Variants in ABTB3 observed in about 807,000 individuals in gnomAD.
The protein encoded by ABTB3 is ankyrin repeat- and BTB/POZ domain-containing protein 3.
At chr12:107,593,494 G>A in the ABTB3 span, among the ~76,000 whole-genome samples, 1 of 152,140 alleles carries the variant, frequency 6.6e-6, no homozygotes, top group African/African-American at 2.4e-5. Flanking sequence ...TTCCTTGGAG[G>A]GTGGATGGCA....
At chr12:107,360,751 A>G in the ABTB3 span, among the ~76,000 whole-genome samples, 3 of 151,952 alleles carry the variant, frequency 2.0e-5, no homozygotes, top group African/African-American at 7.3e-5. Context: ...CACTGGGTAC[A>G]TGGCTTTTTG....
chr12:107,369,379 G>A, the ABTB3 span, among the ~76,000 whole-genome samples: 1 of 148,584 alleles, frequency 6.7e-6, no homozygotes, highest in African/African-American at 2.5e-5. Context: ...TTATAAATCA[G>A]GTTCAAACAA....
chr12:107,560,361 A>G, the ABTB3 span, among the ~76,000 whole-genome samples: 1 of 152,214 alleles, frequency 6.6e-6, no homozygotes, highest in African/African-American at 2.4e-5. Flanking sequence ...GGCCTGTAGG[A>G]GGAAGAAACT....
chr12:107,509,454 A>G, the ABTB3 span, among the ~76,000 whole-genome samples: 2 of 152,206 alleles, frequency 1.3e-5, no homozygotes, highest in Admixed American at 6.5e-5. Context: ...TAATTCAACC[A>G]TGAACACTGA....
the ABTB3 span, among the ~76,000 whole-genome samples, chr12:107,355,457 C>T: frequency 1.2e-4 from 19 of 152,190 alleles, no homozygotes; most frequent in East Asian, 1.9e-4. Flanking sequence ...GCTCCTTGGA[C>T]GGATAAACAA....
chr12:107,452,796 G>A, the ABTB3 span, among the ~76,000 whole-genome samples: 212 of 152,252 alleles, frequency 1.4e-3, 1 homozygote, highest in Middle Eastern at 3.4e-3. Flanking sequence ...AGCCAAGATC[G>A]TGCCACTGCA....
At chr12:107,372,975 T>C in the ABTB3 span, among the ~76,000 whole-genome samples, 1 of 152,180 alleles carries the variant, frequency 6.6e-6, no homozygotes, top group African/African-American at 2.4e-5. Flanking sequence ...TTCTTTCTTG[T>C]GAGGGGCTGT....
chr12:107,502,306 G>A, the ABTB3 span, among the ~76,000 whole-genome samples: 1 of 151,978 alleles, frequency 6.6e-6, no homozygotes, highest in Non-Finnish European at 1.5e-5. Context: ...CTGACCTAAA[G>A]TGATCTGCCT....
the ABTB3 span, among the ~76,000 whole-genome samples, chr12:107,600,256 G>A: frequency 1.3e-5 from 2 of 152,306 alleles, no homozygotes; most frequent in South Asian, 2.1e-4. Flanking sequence ...TTGAGCAACC[G>A]ATACGCAACC....
At chr12:107,542,311 C>CAAAAAAAAAAAAAAAAAA in the ABTB3 span, among the ~76,000 whole-genome samples, 3 of 119,196 alleles carry the variant, frequency 2.5e-5, no homozygotes, top group Non-Finnish European at 5.1e-5. Context: ...AACTCTGTCT[C>CAAAAAAAAAAAAAAAAAA]AAAAAAAAAA....
At chr12:107,566,048 C>A in the ABTB3 span, among the ~76,000 whole-genome samples, 1 of 152,204 alleles carries the variant, frequency 6.6e-6, no homozygotes, top group Non-Finnish European at 1.5e-5. Context: ...AACATCTAGA[C>A]TGCGAAGTAA....
chr12:107,481,445 A>T, the ABTB3 span, among the ~76,000 whole-genome samples: 1 of 151,980 alleles, frequency 6.6e-6, no homozygotes, highest in Admixed American at 6.5e-5. Flanking sequence ...GCTTATCTGG[A>T]ATTTAGGACT....
the ABTB3 span, among the ~76,000 whole-genome samples, chr12:107,387,972 CTT>C: frequency 2.8e-3 from 332 of 120,132 alleles, 1 homozygote; most frequent in Middle Eastern, 0.018. Context: ...TCTTCTTCTT[CTT>C]TTTTTTTTTT....
At chr12:107,504,401 C>G in the ABTB3 span, among the ~76,000 whole-genome samples, 1 of 152,164 alleles carries the variant, frequency 6.6e-6, no homozygotes, top group East Asian at 1.9e-4. Flanking sequence ...ACACACACCC[C>G]TCTCTGTCAT....
chr12:107,432,232 G>A, the ABTB3 span, among the ~76,000 whole-genome samples: 1 of 152,112 alleles, frequency 6.6e-6, no homozygotes, highest in Non-Finnish European at 1.5e-5. Context: ...ACTGACAGTG[G>A]AAAGCCCTAA....
chr12:107,623,470 G>A, the ABTB3 span, among the ~76,000 whole-genome samples: 6 of 148,544 alleles, frequency 4.0e-5, no homozygotes, highest in Non-Finnish European at 8.9e-5. Context: ...AGGTTCAAGC[G>A]ATTCTCATGT....
the ABTB3 span, among the ~76,000 whole-genome samples, chr12:107,327,055 A>G: frequency 3.9e-5 from 6 of 152,154 alleles, no homozygotes; most frequent in African/African-American, 1.2e-4. Context: ...TGGGGGCTCT[A>G]AATCTTTTGT....
the ABTB3 span, chr12:107,634,859 A>G: frequency 6.5e-6 from 1 of 153,018 alleles, no homozygotes; most frequent in East Asian, 1.9e-4. Flanking sequence ...TGGAGAACAC[A>G]GTCACAGGAT....
At chr12:107,600,385 T>C in the ABTB3 span, among the ~76,000 whole-genome samples, 1 of 152,248 alleles carries the variant, frequency 6.6e-6, no homozygotes, top group African/African-American at 2.4e-5. Flanking sequence ...AAGCTGTCTA[T>C]AAATGCCAGT....
Sources: allele counts gnomAD v4.1 joint callset (sites outside exome capture counted in the v4.1 genomes callset), GRCh38; gene constraint gnomAD v4.1.1; transcripts MANE v1.5; gene names NCBI Gene and HGNC (gene_info 2026-07-23, HGNC 2026-07-21).